Variants in SIRPB1 observed in about 807,000 individuals in gnomAD.
The protein encoded by SIRPB1 is signal-regulatory protein beta-1.
A neutral mutation model predicts 34.1 loss-of-function variants in SIRPB1; 28 were observed. The observed-to-expected ratio is 0.82, with a 90% CI of 0.61 to 1.12. SIRPB1 has a LOEUF of 1.12. Among genes scored for constraint, SIRPB1 ranks in the 50% most tolerant of loss-of-function variants. The probability of loss-of-function intolerance (pLI) is 0.00; values close to 1 mark genes in which losing one functional copy is unlikely to be tolerated. For synonymous variants in SIRPB1, 211 were observed against 203.8 expected, an observed-to-expected ratio of 1.04 and a Z score of -0.30; for missense variants, 499 against 507.0, an observed-to-expected ratio of 0.98 and a Z score of 0.15.
In SIRPB1 at chr20:1,577,601, G is replaced by A. The variant is rs148404046; in HGVS notation, c.433+737C>T. ...ATTCTGAGATGATGCAGCTCTGCTCGGAGCCCATGGTAACTCTGTGACTCA... is the reference window on the plus strand; with the variant it reads ...ATTCTGAGATGATGCAGCTCTGCTCAGAGCCCATGGTAACTCTGTGACTCA... On this transcript the variant is annotated intron_variant, in intron 2 of 5. Coordinates refer to ENST00000381605, the MANE Select transcript of SIRPB1 (RefSeq NM_006065.5). Among the ~76,000 whole-genome samples, 482 of 146,976 alleles carry A rather than the reference G, an allele frequency of 3.3e-3. 21 individuals are homozygous for A. The highest frequency in any genetic ancestry group is 0.011 in the African/African-American group (448 of 40,560).
At position 1,578,780 on chromosome 20, in the gene SIRPB1, C is replaced by G. The variant is rs747706120; in HGVS notation, c.77-86G>C. On this transcript the variant is annotated intron_variant, in intron 1 of 5. Coordinates refer to ENST00000381605, the MANE Select transcript of SIRPB1 (RefSeq NM_006065.5). Reference sequence around the variant, plus strand: ...AGTGTTTATCAATGGCTTTCATTGACTGGGTGCACACCAGGAAAAGGCCTT... The same window carrying G: ...AGTGTTTATCAATGGCTTTCATTGAGTGGGTGCACACCAGGAAAAGGCCTT... 53 of 1,168,880 alleles carry G rather than the reference C, an allele frequency of 4.5e-5. 4 individuals carry two copies. The highest frequency in any genetic ancestry group is 1.8e-4 in the Admixed American group (10 of 55,614). 72.4% of individuals were successfully genotyped at this position (1,168,880 alleles called of 1,614,324 possible).
intron 2 of SIRPB1, chr20:1,578,025 A>T: frequency 2.4e-6 from 1 of 414,750 alleles, no homozygotes; most frequent in Non-Finnish European, 4.5e-6. Flanking sequence ...CTGTGCCTGG[A>T]CAAGTCACTC....
intron 1 of SIRPB1, 35 bp from the exon 2 acceptor site, chr20:1,578,729 C>G: frequency 6.8e-7 from 1 of 1,472,084 alleles, no homozygotes; most frequent in Non-Finnish European, 9.5e-7. Flanking sequence ...TTTCTTCATC[C>G]TTACCTGATT....
intron 1 of SIRPB1, among the ~76,000 whole-genome samples, chr20:1,617,495 G>T (rs1328160703): frequency 6.6e-6 from 1 of 152,178 alleles, no homozygotes; most frequent in Non-Finnish European, 1.5e-5. Context: ...TGAACTCATA[G>T]AAGTAGATAG....
intron 4 of SIRPB1, among the ~76,000 whole-genome samples, chr20:1,568,130 C>T (rs753457076): frequency 5.3e-5 from 8 of 152,146 alleles, no homozygotes; most frequent in Admixed American, 2.6e-4. Context: ...GCAGTGGCAT[C>T]GCTACTTGTC....
intron 4 of SIRPB1, among the ~76,000 whole-genome samples, chr20:1,567,118 G>C (rs2091149945): frequency 6.6e-6 from 1 of 152,086 alleles, no homozygotes; most frequent in African/African-American, 2.4e-5. Flanking sequence ...ATAAAATGGT[G>C]CTGGTGGGTC....
At chr20:1,572,946 T>C in intron 2 of SIRPB1, among the ~76,000 whole-genome samples, 1 of 148,540 alleles carries the variant, frequency 6.7e-6, no homozygotes, top group Non-Finnish European at 1.5e-5. Context: ...GAGAGTGGGT[T>C]TGCAGTTGAG....
rs1256573853 is a variant in SIRPB1, at chr20:1,595,697, G to C, written c.77-17003C>G. ...GGTCCCATGACCCTTCCTAATTTGA[G>C]AGTTCAGACCTATAGGGTTCTGTAG... On this transcript the variant is annotated intron_variant, in intron 1 of 5. Coordinates refer to ENST00000381605, the MANE Select transcript of SIRPB1 (RefSeq NM_006065.5). 1.2e-4 allele frequency among the ~76,000 whole-genome samples: 6 copies of C among 48,544 alleles called. 3 individuals carry two copies. Among genetic ancestry groups the C allele is most frequent in the Non-Finnish European group, 2.4e-4 (6 of 25,194 alleles). The allele number at this position is 48,544 out of a possible 152,430, so 31.8% of individuals were successfully genotyped here.
rs918912732 is a variant in SIRPB1 at position 1,587,134 on chromosome 20, A to G, written c.77-8440T>C. Among the ~76,000 whole-genome samples the G allele has an allele frequency of 1.6e-4, 8 of 48,614 alleles. 3 individuals are homozygous for G. The highest frequency in any genetic ancestry group is 1.1e-3 in the Admixed American group (8 of 7,258). The allele number at this position is 48,614 out of a possible 152,430, so 31.9% of individuals were successfully genotyped here. On this transcript the variant is annotated intron_variant, in intron 1 of 5. Transcript: ENST00000381605. Reference sequence around the variant, plus strand: ...TGATTGAGGTAGGGAACGATAGACAAGTTCCTCTCTCAGCCTGCCTCCCCA... The same window carrying G: ...TGATTGAGGTAGGGAACGATAGACAGGTTCCTCTCTCAGCCTGCCTCCCCA...
rs1419603102 is a variant in SIRPB1 at position 1,588,625 on chromosome 20, A to T, written c.77-9931T>A. 25 of 590,606 alleles carry T rather than the reference A, an allele frequency of 4.2e-5. 10 individuals are homozygous for T. The highest frequency in any genetic ancestry group is 5.6e-5 in the Non-Finnish European group (25 of 444,536). 36.6% of individuals were successfully genotyped at this position (590,606 alleles called of 1,614,324 possible). A position where few individuals can be genotyped will look rare whatever the true frequency, so the allele number is the denominator to read the frequency against. On this transcript the variant is annotated intron_variant, in intron 1 of 5. Transcript: ENST00000381605. ...AGGAGGGTGGGGCCAGGAGGCTGGG[A>T]CAGGCATCCTGGAGACCTCAGGAGC... is the stretch of plus-strand genomic sequence containing the variant.
chr20:1,578,381 G>C lies in SIRPB1; in HGVS notation c.390C>G (p.Asp130Glu). The C allele has an allele frequency of 6.3e-7, 1 of 1,586,788 alleles. No homozygotes were observed. Among genetic ancestry groups the C allele is most frequent in the Non-Finnish European group, 8.6e-7 (1 of 1,159,986 alleles). The change falls in exon 2 of 6, where the codon GAC becomes GAG. Residue 130 changes from aspartate (D) to glutamate (E), a missense_variant. Asp to Glu is a conservative substitution (Grantham distance 45). Coordinates refer to ENST00000381605, the MANE Select transcript of SIRPB1 (RefSeq NM_006065.5). ...TGCCTGCTCCAGACTTAAACTCCAC[G>C]TCGTCAGGGCTCCCTTTCCGGAACT... ...CVKFRKGSPD[D>E]VEFKSGAGTE...
intron 1 of SIRPB1, among the ~76,000 whole-genome samples, chr20:1,580,237 T>A (rs2091383102): frequency 6.8e-6 from 1 of 147,804 alleles, no homozygotes; most frequent in Non-Finnish European, 1.5e-5. Context: ...CACAGTTACA[T>A]CTTCCCACCA....
At chr20:1,615,353 A>G (rs1418016120) in intron 1 of SIRPB1, among the ~76,000 whole-genome samples, 1 of 152,132 alleles carries the variant, frequency 6.6e-6, no homozygotes, top group Admixed American at 6.5e-5. Flanking sequence ...CTGGTTATCT[A>G]TTGGGCTCTC....
At position 1,595,491 on chromosome 20, in the gene SIRPB1, G is replaced by A. The variant is rs1405983564; in HGVS notation, c.77-16797C>T. 4.1e-5 allele frequency among the ~76,000 whole-genome samples: 2 copies of A among 48,798 alleles called. 1 individual carries two copies. The highest frequency in any genetic ancestry group is 7.9e-5 in the Non-Finnish European group (2 of 25,242). The allele number at this position is 48,798 out of a possible 152,430, so 32.0% of individuals were successfully genotyped here. A position where few individuals can be genotyped will look rare whatever the true frequency, so the allele number is the denominator to read the frequency against. The stretch of plus-strand genomic sequence containing the variant: ...GAGGGAAGTTGCTGTGGGAGGAAGG[G>A]GCCATGAGACTGGGGCCATCTTCCA... On this transcript the variant is annotated intron_variant, in intron 1 of 5. Coordinates refer to ENST00000381605, the MANE Select transcript of SIRPB1 (RefSeq NM_006065.5).
Position 1,578,516 on chromosome 20 carries a change from G to A in SIRPB1, c.255C>T (p.His85=), listed in dbSNP as rs374829433. The change falls in exon 2 of 6, where the codon CAC becomes CAT. Residue 85 remains histidine, a synonymous_variant. Transcript: ENST00000381605. ...RELIYNQKEG[H]FPRVTTVSEL... is the part of the protein sequence containing the mutation. ...CTGAAACAGTTGTTACCCGTGGGAA[G>A]TGGCCTTCTTTCTGATTGTAGATTA... 2.1e-5 allele frequency: 34 copies of A among 1,583,976 alleles called. 5 individuals carry two copies. The highest frequency in any genetic ancestry group is 2.9e-5 in the Non-Finnish European group (34 of 1,157,658).
intron 1 of SIRPB1, among the ~76,000 whole-genome samples, chr20:1,580,737 A>G (rs1162134974): frequency 4.1e-5 from 2 of 49,230 alleles, no homozygotes; most frequent in Admixed American, 2.7e-4. Flanking sequence ...TTCCAGGGGG[A>G]AAAAAGAGAA....
chr20:1,609,404 G>C lies in SIRPB1; in HGVS notation c.76+10465C>G, dbSNP rs2091542870. Reference sequence around the variant, plus strand: ...TTACATATACACATTTTTTTAAAAAGCTGTTAGTAAAGCTATGTGTCTTCT... The same window carrying C: ...TTACATATACACATTTTTTTAAAAACCTGTTAGTAAAGCTATGTGTCTTCT... On this transcript the variant is annotated intron_variant, in intron 1 of 5. Coordinates refer to ENST00000381605, the MANE Select transcript of SIRPB1 (RefSeq NM_006065.5). Among the ~76,000 whole-genome samples the C allele has an allele frequency of 1.2e-4, 9 of 72,064 alleles. 4 individuals are homozygous for C. Among genetic ancestry groups the C allele is most frequent in the Admixed American group, 7.9e-4 (7 of 8,896 alleles). 47.3% of individuals were successfully genotyped at this position (72,064 alleles called of 152,430 possible). A position where few individuals can be genotyped will look rare whatever the true frequency, so the allele number is the denominator to read the frequency against.
At chr20:1,569,527 T>C (rs1025810816) in intron 4 of SIRPB1, among the ~76,000 whole-genome samples, 6 of 152,306 alleles carry the variant, frequency 3.9e-5, no homozygotes, top group East Asian at 1.9e-4. Context: ...TCTCTGATGA[T>C]TGGGGACATT....
intron 3 of SIRPB1, 121 bp downstream of exon 3, chr20:1,571,599 T>A: frequency 2.1e-6 from 3 of 1,422,050 alleles, no homozygotes; most frequent in Non-Finnish European, 2.9e-6. Context: ...CCTAGGTGCA[T>A]GGGAGGTGGA....
Sources: gnomAD v4.1 joint callset for allele counts (sites outside exome capture counted in the v4.1 genomes callset) on GRCh38, gnomAD v4.1.1 for gene constraint, MANE v1.5 for transcripts, NCBI Gene and HGNC (gene_info 2026-07-23, HGNC 2026-07-21) for gene names.